The following TANK variants were observed in gnomAD, a reference collection of about 807,000 sequenced individuals.
TANK encodes TRAF family member associated NFKB activator, also known as TRAF family member-associated NF-kappa-B activator.
TANK carries 15 observed loss-of-function variants against 43.6 expected under a neutral mutation model. That is an observed-to-expected ratio of 0.34 (90% CI 0.23 to 0.53). The LOEUF is 0.53. Among genes scored for constraint, TANK ranks in the 20% least tolerant of loss-of-function variants. The pLI is 0.94. For synonymous variants in TANK, 162 were observed against 178.2 expected (o/e 0.91, Z 0.73); for missense variants, 417 against 498.6 (o/e 0.84, Z 1.56).
upstream of TANK, among the ~76,000 whole-genome samples, chr2:161,159,884 A>T (rs1684328039): frequency 6.6e-6 from 1 of 152,186 alleles, no homozygotes; most frequent in African/African-American, 2.4e-5. Flanking sequence ...AAATACTACC[A>T]GTTGGGGAGA....
At chr2:161,146,572 C>A (rs1683916228) in intron 1 of TANK, among the ~76,000 whole-genome samples, 5 of 152,280 alleles carry the variant, frequency 3.3e-5, no homozygotes, top group Admixed American at 3.3e-4. Context: ...GGTCAGGTCT[C>A]TCTTCTGTAG....
chr2:161,204,771 T>C lies in TANK; in HGVS notation c.305T>C (p.Ile102Thr), dbSNP rs771023088. The part of the protein sequence containing the change: ...DQPQDKVISG[I>T]AREKLPKVRR... ...CCACAAGATAAAGTGATTTCAGGAA[T>C]AGCAAGAGAAAAACTACCAAAGGTA... is the stretch of plus-strand genomic sequence containing the variant. Residue 102 changes from isoleucine (I) to threonine (T), a missense_variant, in exon 4 of 8, where the codon ATA becomes ACA. Physicochemically the swap from Ile to Thr is moderately conservative, Grantham distance 89. Transcript: ENST00000392749. The C allele has an allele frequency of 1.3e-5, 21 of 1,605,622 alleles. No individual in the cohort carries two copies. The East Asian group carries it at 4.3e-4, about 33-fold the overall frequency.
At chr2:161,215,641 G>T (rs888278181) in intron 4 of TANK, among the ~76,000 whole-genome samples, 1 of 152,028 alleles carries the variant, frequency 6.6e-6, no homozygotes, top group Non-Finnish European at 1.5e-5. Context: ...AAACCACTTA[G>T]CTTTGTTTAA....
At chr2:161,157,747 G>T (rs1363303095), upstream of TANK, among the ~76,000 whole-genome samples, 2 of 151,854 alleles carry the variant, frequency 1.3e-5, no homozygotes, top group Admixed American at 1.3e-4. Flanking sequence ...GCAGTGGCGT[G>T]ATCTTGGCTC....
intron 2 of TANK, among the ~76,000 whole-genome samples, chr2:161,182,948 C>T (rs1022836327): frequency 6.6e-6 from 1 of 152,106 alleles, no homozygotes; most frequent in Non-Finnish European, 1.5e-5. Flanking sequence ...AGACTGTTTC[C>T]TGAGGCGTGC....
intron 2 of TANK, among the ~76,000 whole-genome samples, chr2:161,191,703 A>C (rs1009298434): frequency 2.6e-5 from 4 of 152,196 alleles, no homozygotes; most frequent in African/African-American, 9.6e-5. Flanking sequence ...TCTGCCAAAA[A>C]TTGTCAATAG....
intron 2 of TANK, among the ~76,000 whole-genome samples, chr2:161,183,311 G>A (rs1170442484): frequency 2.6e-5 from 4 of 152,150 alleles, no homozygotes; most frequent in African/African-American, 9.7e-5. Context: ...CACAGTATGA[G>A]AGAGGGCTTT....
chr2:161,215,113 A>G (rs1687061105), intron 4 of TANK, among the ~76,000 whole-genome samples: 1 of 152,218 alleles, frequency 6.6e-6, no homozygotes, highest in Non-Finnish European at 1.5e-5. Context: ...CAGGATGCTC[A>G]GGGGCCATGG....
At position 161,160,431 on chromosome 2, in the gene TANK, C is replaced by A; in HGVS notation, c.-105C>A. 4 of 1,240,542 alleles carry A rather than the reference C, an allele frequency of 3.2e-6. No homozygotes were observed. The highest frequency in any genetic ancestry group is 4.0e-6 in the Non-Finnish European group (4 of 992,164). 76.8% of individuals were successfully genotyped at this position (1,240,542 alleles called of 1,614,324 possible). On this transcript the variant is annotated 5_prime_UTR_variant, in exon 1 of 8. Transcript: ENST00000392749. ...AATGCAACTTCCGGTTGGAGTCACTCGGCCAGGCGCCGGCGACCTGAGGGG... is the reference window on the plus strand; with the variant it reads ...AATGCAACTTCCGGTTGGAGTCACTAGGCCAGGCGCCGGCGACCTGAGGGG...
chr2:161,191,534 A>G (rs72996907), intron 2 of TANK, among the ~76,000 whole-genome samples: 6,119 of 152,294 alleles, frequency 0.04, 152 homozygotes, highest in Non-Finnish European at 0.056. Context: ...CCTTGTATAA[A>G]TCTTATGAGG....
chr2:161,235,728 A>T lies in TANK; in HGVS notation c.*210A>T, dbSNP rs777877141. 1.1e-4 allele frequency: 43 copies of T among 393,256 alleles called. No homozygotes were observed. Among genetic ancestry groups the T allele is most frequent in the Non-Finnish European group, 1.5e-4 (35 of 226,730 alleles). 24.4% of individuals were successfully genotyped at this position (393,256 alleles called of 1,614,324 possible). On this transcript the variant is annotated 3_prime_UTR_variant, in exon 8 of 8. Coordinates refer to ENST00000392749, the MANE Select transcript of TANK (RefSeq NM_001199135.3). ...AGGAGAAATAAGCCTAAAAGAAGAA[A>T]AACAAAAAAAATTCTGTATAAAACT...
chr2:161,177,276 C>T (rs138912731), intron 1 of TANK, among the ~76,000 whole-genome samples: 1 of 152,030 alleles, frequency 6.6e-6, no homozygotes, highest in East Asian at 1.9e-4. Flanking sequence ...TATCCAAAAC[C>T]CTGGAATTGT....
chr2:161,160,467 C>G lies in TANK; in HGVS notation c.-69C>G. 1 of 1,238,614 alleles carries G rather than the reference C, an allele frequency of 8.1e-7. No individual in the cohort carries two copies. Among genetic ancestry groups the G allele is most frequent in the Non-Finnish European group, 1.0e-6 (1 of 990,944 alleles). The allele number at this position is 1,238,614 out of a possible 1,614,324, so 76.7% of individuals were successfully genotyped here. On this transcript the variant is annotated 5_prime_UTR_variant, in exon 1 of 8. Coordinates refer to ENST00000392749, the MANE Select transcript of TANK (RefSeq NM_001199135.3). ...CGGCGACCTGAGGGGAGAGGGAACG[C>G]AGCTGAAAGCGTGAACTGTGTGAGT...
At chr2:161,205,767 A>T (rs1348778945) in intron 4 of TANK, among the ~76,000 whole-genome samples, 1 of 152,108 alleles carries the variant, frequency 6.6e-6, no homozygotes, top group Non-Finnish European at 1.5e-5. Flanking sequence ...GGAATACTTT[A>T]TGTAGTTTGT....
At chr2:161,152,433 C>CT (rs112920646) in intron 1 of TANK, among the ~76,000 whole-genome samples, 1 of 152,182 alleles carries the variant, frequency 6.6e-6, no homozygotes, top group African/African-American at 2.4e-5. Flanking sequence ...TTGGTTTACA[C>CT]TTTTTTCTAG....
chr2:161,190,919 T>A (rs1685886347), intron 2 of TANK, among the ~76,000 whole-genome samples: 1 of 152,170 alleles, frequency 6.6e-6, no homozygotes, highest in Non-Finnish European at 1.5e-5. Flanking sequence ...TTATTTGATA[T>A]ATATTTTACC....
chr2:161,216,813 A>G (rs1175593954), intron 4 of TANK, among the ~76,000 whole-genome samples: 22 of 152,216 alleles, frequency 1.4e-4, no homozygotes, highest in Admixed American at 1.4e-3. Context: ...TTTCTAGACA[A>G]GAGCCACAAT....
rs571436857 is a variant in TANK at position 161,181,107 on chromosome 2, C to G, written c.99+1346C>G. On this transcript the variant is annotated intron_variant, in intron 2 of 7. Transcript: ENST00000392749. The stretch of plus-strand genomic sequence containing the variant: ...CCAGCTGTATTAGTCTGTTCTCACA[C>G]TGCTATACACTGCTATAAAGAACTA... Among the ~76,000 whole-genome samples the G allele has an allele frequency of 9.9e-4, 151 of 152,266 alleles. 1 individual carries two copies. Among genetic ancestry groups the G allele is most frequent in the Non-Finnish European group, 1.6e-3 (110 of 67,986 alleles).
intron 4 of TANK, among the ~76,000 whole-genome samples, chr2:161,216,857 C>G (rs922488463): frequency 3.3e-5 from 5 of 152,174 alleles, no homozygotes; most frequent in Non-Finnish European, 7.4e-5. Context: ...ATTATGTAAA[C>G]TGAAAGCTAA....
Sources: allele counts gnomAD v4.1 joint callset (sites outside exome capture counted in the v4.1 genomes callset), GRCh38; gene constraint gnomAD v4.1.1; transcripts MANE v1.5; gene names NCBI Gene and HGNC (gene_info 2026-07-23, HGNC 2026-07-21).